The following WNK2 variants were observed in gnomAD, a reference collection of about 807,000 sequenced individuals.
WNK2 encodes serine/threonine-protein kinase WNK2.
A neutral mutation model predicts 192.1 loss-of-function variants in WNK2; 67 were observed. The ratio of observed to expected loss-of-function variants is 0.35; its 90% CI spans 0.29 to 0.43. WNK2 has a LOEUF of 0.43. Among genes scored for constraint, WNK2 ranks in the 20% least tolerant of loss-of-function variants. WNK2 has a pLI of 1.00. For missense variants in WNK2, 2,698 were observed against 3,089.7 expected (o/e 0.87, Z 3.01); for synonymous variants, 1,439 against 1,393.9 (o/e 1.03, Z -0.72).
chr9:93,282,245 T>A (rs1458014889), intron 19 of WNK2, among the ~76,000 whole-genome samples: 1 of 152,092 alleles, frequency 6.6e-6, no homozygotes, highest in African/African-American at 2.4e-5. Flanking sequence ...TGATAGTCTC[T>A]AGAATAACCC....
chr9:93,260,340 G>T (rs1422930953), intron 12 of WNK2, among the ~76,000 whole-genome samples: 3 of 152,146 alleles, frequency 2.0e-5, no homozygotes, highest in Admixed American at 1.3e-4. Context: ...TCCCACCTGG[G>T]CACTCTCGCA....
rs1462193777 is a variant in WNK2 at position 93,239,814 on chromosome 9, G to A, written c.1380G>A (p.Arg460=). ...TCTTCGCAGAGGACACAGGCGTGAG[G>A]GTGGAGCTCGCGGAGGAGGACCACG... The part of the protein sequence containing the change: ...HAFFAEDTGV[R]VELAEEDHGR... The change falls in exon 7 of 30, where the codon AGG becomes AGA. Residue 460 remains arginine (R), a synonymous_variant. Transcript: ENST00000427277. This position sits in a 1 kb window ranked among gnomAD's most constrained non-coding sequence, Gnocchi z 4.2. The A allele has an allele frequency of 6.3e-7, 1 of 1,582,148 alleles. No homozygotes were observed. The highest frequency in any genetic ancestry group is 1.8e-5 in the Admixed American group (1 of 54,598).
intron 19 of WNK2, among the ~76,000 whole-genome samples, chr9:93,286,857 G>C (rs1030048059): frequency 2.6e-5 from 4 of 152,310 alleles, no homozygotes; most frequent in Admixed American, 1.3e-4. Flanking sequence ...CATTTGCGAC[G>C]ACATGGATGA....
At chr9:93,227,195 G>A (rs1837966084) in intron 2 of WNK2, among the ~76,000 whole-genome samples, 1 of 150,932 alleles carries the variant, frequency 6.6e-6, no homozygotes, top group African/African-American at 2.4e-5. Flanking sequence ...CTCACTGCAA[G>A]CTGCACCTCC....
At chr9:93,264,473 T>G (rs1844849274) in intron 16 of WNK2, among the ~76,000 whole-genome samples, 1 of 152,064 alleles carries the variant, frequency 6.6e-6, no homozygotes, top group African/African-American at 2.4e-5. Context: ...TCTGCCTGCA[T>G]CTCCCTCTGG....
chr9:93,306,712 C>T (rs1353515331), intron 26 of WNK2, 65 bp from the exon 27 acceptor site: 57 of 1,592,898 alleles, frequency 3.6e-5, no homozygotes, highest in Non-Finnish European at 4.7e-5. Flanking sequence ...AGTGTGGTAG[C>T]GTGTCCCAGT....
chr9:93,194,155 G>C (rs1830825311), intron 2 of WNK2, among the ~76,000 whole-genome samples: 1 of 152,134 alleles, frequency 6.6e-6, no homozygotes, highest in Non-Finnish European at 1.5e-5. Context: ...CCTAGCTTTG[G>C]CAGTGACTTT....
intron 19 of WNK2, among the ~76,000 whole-genome samples, chr9:93,285,969 G>C (rs529973949): frequency 1.3e-5 from 2 of 152,318 alleles, no homozygotes; most frequent in East Asian, 3.9e-4. Flanking sequence ...GGGATAGTAG[G>C]CTGTCCACAC....
At position 93,263,750 on chromosome 9, in the gene WNK2, G is replaced by A. The variant is rs2133037306; in HGVS notation, c.3579+16G>A. ...CATCTTGAACGTGAGTGGGCGGGGC[G>A]TGGCGGGGGTGTGGTGGGGGTGGGG... On this transcript the variant is annotated intron_variant, in intron 15 of 29. Transcript: ENST00000427277. 20 of 1,434,052 alleles carry A rather than the reference G, an allele frequency of 1.4e-5. No homozygotes were observed. The highest frequency in any genetic ancestry group is 1.1e-4 in the South Asian group (8 of 72,890). The allele number at this position is 1,434,052 out of a possible 1,614,324, so 88.8% of individuals were successfully genotyped here.
chr9:93,236,067 C>T (rs552674413), intron 5 of WNK2, among the ~76,000 whole-genome samples: 19 of 152,274 alleles, frequency 1.2e-4, no homozygotes, highest in Middle Eastern at 3.4e-3. Context: ...CACAGTTTTC[C>T]GTGGGTACTG....
At position 93,268,704 on chromosome 9, in the gene WNK2, C is replaced by T. The variant is rs140367852; in HGVS notation, c.3991C>T (p.Pro1331Ser). Residue 1331 changes from proline (P) to serine (S), a missense_variant, in exon 19 of 30, where the codon CCC becomes TCC. Physicochemically the swap from Pro to Ser is moderately conservative, Grantham distance 74 (BLOSUM62 -1). Coordinates refer to ENST00000427277, the MANE Select transcript of WNK2 (RefSeq NM_006648.4). Reference sequence around the variant, plus strand: ...CGCCCCCGAGGCCCCTGAATCTTCGCCCCCACTTCCTCTAAGCTCCCTGCC... The same window carrying T: ...CGCCCCCGAGGCCCCTGAATCTTCGTCCCCACTTCCTCTAAGCTCCCTGCC... Reference protein sequence around the residue: ...HPAPEAPESSPPLPLSSLPPE... With the variant: ...HPAPEAPESSSPLPLSSLPPE... The T allele has an allele frequency of 2.3e-5, 37 of 1,613,294 alleles. No individual in the cohort carries two copies. Among genetic ancestry groups the T allele is most frequent in the African/African-American group, 4.0e-5 (3 of 74,904 alleles).
chr9:93,232,531 C>T (rs749932869), intron 4 of WNK2, among the ~76,000 whole-genome samples: 6 of 152,276 alleles, frequency 3.9e-5, no homozygotes, highest in South Asian at 2.1e-4. Flanking sequence ...TCTCAAACCC[C>T]GGGCGCAGTC....
chr9:93,199,504 G>A (rs116153653), intron 2 of WNK2, among the ~76,000 whole-genome samples: 2,696 of 152,270 alleles, frequency 0.018, 70 homozygotes, highest in African/African-American at 0.061. Context: ...CAGCTGCAAG[G>A]CTGTTGACAT....
intron 3 of WNK2, 54 bp from the exon 4 acceptor site, chr9:93,230,834 A>G (rs558232374): frequency 1.3e-6 from 2 of 1,534,224 alleles, no homozygotes; most frequent in Non-Finnish European, 8.9e-7. Context: ...GGGCTTTGCT[A>G]GGGGGCCGCT....
In WNK2 at chr9:93,239,701, C is replaced by T; in HGVS notation, c.1323-56C>T. ...TCCTGGTGCGCATGGACACAGGAGCCTGGGCATGGAGGCCCTGGCGCCCGT... is the reference window on the plus strand; with the variant it reads ...TCCTGGTGCGCATGGACACAGGAGCTTGGGCATGGAGGCCCTGGCGCCCGT... On this transcript the variant is annotated intron_variant, in intron 6 of 29. Transcript: ENST00000427277. This position sits in a 1 kb window ranked among gnomAD's most constrained non-coding sequence, Gnocchi z 4.2. 6.8e-7 allele frequency: 1 copy of T among 1,481,288 alleles called. No individual in the cohort carries two copies. 91.8% of individuals were successfully genotyped at this position (1,481,288 alleles called of 1,614,324 possible).
chr9:93,316,816 T>C (rs1314740740), intron 28 of WNK2: 1 of 152,720 alleles, frequency 6.5e-6, no homozygotes, highest in African/African-American at 2.4e-5. Context: ...CATTTTGTCG[T>C]GGGCAGGGGC....
chr9:93,308,697 G>C (rs184361157), intron 28 of WNK2, 113 bp downstream of exon 28: 2 of 1,379,258 alleles, frequency 1.5e-6, no homozygotes, highest in East Asian at 5.0e-5. Context: ...TCATTTTCAT[G>C]ATCCAAGTTC....
At chr9:93,266,222 G>A (rs998871277) in intron 16 of WNK2, among the ~76,000 whole-genome samples, 1 of 152,190 alleles carries the variant, frequency 6.6e-6, no homozygotes. Context: ...CTGTCTTTCT[G>A]TGAGTGTGAG....
intron 28 of WNK2, chr9:93,315,691 A>C (rs1227811218): frequency 6.6e-6 from 1 of 152,176 alleles, no homozygotes; most frequent in Non-Finnish European, 1.5e-5. Flanking sequence ...GCAATAAGTT[A>C]GTACAAGTTT....
Sources: allele counts gnomAD v4.1 joint callset (sites outside exome capture counted in the v4.1 genomes callset), GRCh38; gene constraint gnomAD v4.1.1; non-coding constraint Gnocchi (gnomAD v3.1); transcripts MANE v1.5; gene names NCBI Gene and HGNC (gene_info 2026-07-23, HGNC 2026-07-21).